ITPR1: variants seen among roughly 807,000 people sequenced by gnomAD.
ITPR1 encodes the protein inositol 1,4,5-trisphosphate-gated calcium channel ITPR1.
Under a neutral mutation model 318.4 loss-of-function variants are expected in ITPR1, and 96 were observed. That is an observed-to-expected ratio of 0.30 (90% CI 0.26 to 0.36). The LOEUF is 0.36. ITPR1 is among the 10% of genes least tolerant of loss of function. The pLI, the probability that ITPR1 is intolerant of heterozygous loss-of-function variation, is 1.00. For synonymous variants in ITPR1, 1,312 were observed against 1,289.9 expected (o/e 1.02, Z -0.37); for missense variants, 2,440 against 3,460.2 (o/e 0.71, Z 7.40).
intron 60 of ITPR1, among the ~76,000 whole-genome samples, chr3:4,834,944 T>G (rs974797374): frequency 7.9e-5 from 12 of 152,214 alleles, no homozygotes; most frequent in African/African-American, 2.4e-4. Flanking sequence ...GATAAGCAGC[T>G]CAGGCTTACT....
intron 50 of ITPR1, among the ~76,000 whole-genome samples, chr3:4,783,201 G>A (rs1473694346): frequency 6.6e-6 from 1 of 152,050 alleles, no homozygotes; most frequent in Non-Finnish European, 1.5e-5. Context: ...TTTATGCCCT[G>A]GCACCAAAAT....
chr3:4,551,113 A>C (rs2085522644), intron 4 of ITPR1, among the ~76,000 whole-genome samples: 1 of 152,174 alleles, frequency 6.6e-6, no homozygotes, highest in South Asian at 2.1e-4. Context: ...AAGAGAAGAT[A>C]CCAGCTGCGG....
Position 4,793,451 on chromosome 3 carries a change from C to T in ITPR1, c.6809-1614C>T, listed in dbSNP as rs184160318. ...CCACATATCCATCACTCAGCTTCAG[C>T]GGTTATCAACTCTTTGCCATTCATC... On this transcript the variant is annotated intron_variant, in intron 52 of 61. Transcript: ENST00000649015. Among the ~76,000 whole-genome samples, 367 of 152,324 alleles carry T rather than the reference C, an allele frequency of 2.4e-3. 1 individual carries two copies. Among genetic ancestry groups the T allele is most frequent in the African/African-American group, 8.5e-3 (353 of 41,570 alleles).
At chr3:4,590,532 T>C (rs2090312100) in intron 4 of ITPR1, among the ~76,000 whole-genome samples, 1 of 149,440 alleles carries the variant, frequency 6.7e-6, no homozygotes, top group South Asian at 2.1e-4. Context: ...TTAATAATAA[T>C]AATAATTTTT....
chr3:4,753,408 A>G (rs2044701054), intron 44 of ITPR1, among the ~76,000 whole-genome samples: 1 of 151,934 alleles, frequency 6.6e-6, no homozygotes, highest in African/African-American at 2.4e-5. Flanking sequence ...GTGCTGTGTG[A>G]TTTCACCCTG....
intron 33 of ITPR1, among the ~76,000 whole-genome samples, chr3:4,694,523 G>C (rs538151969): frequency 6.6e-6 from 1 of 151,996 alleles, no homozygotes; most frequent in South Asian, 2.1e-4. Context: ...TGCGTTCTTC[G>C]GTGATTTCCT....
chr3:4,696,656 T>G (rs2125254633), intron 33 of ITPR1, among the ~76,000 whole-genome samples: 1 of 149,788 alleles, frequency 6.7e-6, no homozygotes, highest in South Asian at 2.1e-4. Context: ...TAATTGAAGT[T>G]GAGCCCCTTG....
chr3:4,647,186 A>G (rs2093477969), intron 10 of ITPR1, among the ~76,000 whole-genome samples: 1 of 151,916 alleles, frequency 6.6e-6, no homozygotes, highest in Admixed American at 6.6e-5. Context: ...ACTCAGTATA[A>G]TTATTTTGAG....
Position 4,667,603 on chromosome 3 carries a change from G to A in ITPR1, c.1886+54G>A. ...TGGTGTCTCTGCCTGTAAGATGCAG[G>A]GACTTAGCTGGTGCTTTTTACTACG... is the stretch of plus-strand genomic sequence containing the variant. On this transcript the variant is annotated intron_variant, in intron 18 of 61. Coordinates refer to ENST00000649015, the MANE Select transcript of ITPR1 (RefSeq NM_001378452.1). The A allele has an allele frequency of 2.0e-6, 3 of 1,493,594 alleles. No homozygotes were observed. In the South Asian group the frequency reaches 3.9e-5, roughly 19 times the overall value. The allele number at this position is 1,493,594 out of a possible 1,614,324, so 92.5% of individuals were successfully genotyped here.
At chr3:4,522,897 G>A (rs1203226010) in intron 4 of ITPR1, among the ~76,000 whole-genome samples, 1 of 152,186 alleles carries the variant, frequency 6.6e-6, no homozygotes, top group Non-Finnish European at 1.5e-5. Flanking sequence ...TGGAGTGGGA[G>A]CCATGGTTCT....
chr3:4,837,320 C>T (rs1239708040), intron 61 of ITPR1, among the ~76,000 whole-genome samples: 2 of 152,000 alleles, frequency 1.3e-5, no homozygotes, highest in Non-Finnish European at 2.9e-5. Context: ...GCTTCCTAGC[C>T]CTCAGACTTG....
At chr3:4,619,890 T>A (rs2092559746) in intron 4 of ITPR1, among the ~76,000 whole-genome samples, 1 of 151,016 alleles carries the variant, frequency 6.6e-6, no homozygotes, top group East Asian at 2.0e-4. Context: ...TTTCTCTTTG[T>A]TTTTTGTTTC....
At chr3:4,584,657 C>T (rs1471011038) in intron 4 of ITPR1, among the ~76,000 whole-genome samples, 1 of 151,884 alleles carries the variant, frequency 6.6e-6, no homozygotes, top group African/African-American at 2.4e-5. Context: ...GAGGCTGCCA[C>T]TCAGTGGGAG....
intron 53 of ITPR1, among the ~76,000 whole-genome samples, chr3:4,796,017 C>T (rs2047875694): frequency 6.6e-6 from 1 of 152,118 alleles, no homozygotes; most frequent in South Asian, 2.1e-4. Flanking sequence ...TGCCAGGAAC[C>T]ACCTTATGTG....
chr3:4,595,423 G>T (rs150619107), intron 4 of ITPR1, among the ~76,000 whole-genome samples: 6 of 152,276 alleles, frequency 3.9e-5, no homozygotes, highest in Non-Finnish European at 7.4e-5. Flanking sequence ...CTAAGGTGAT[G>T]GTGCGAAGCC....
intron 4 of ITPR1, among the ~76,000 whole-genome samples, chr3:4,612,404 A>C (rs2092184414): frequency 6.6e-6 from 1 of 152,108 alleles, no homozygotes; most frequent in African/African-American, 2.4e-5. Flanking sequence ...TATGGAATCC[A>C]AGGGGTGTCC....
intron 13 of ITPR1, among the ~76,000 whole-genome samples, chr3:4,660,107 C>T (rs2093800451): frequency 6.6e-6 from 1 of 152,192 alleles, no homozygotes; most frequent in South Asian, 2.1e-4. Context: ...TACGCTCTCA[C>T]CAACCATACA....
At position 4,710,206 on chromosome 3, in the gene ITPR1, A is replaced by G; in HGVS notation, c.4843-119A>G. 1.1e-6 allele frequency: 1 copy of G among 925,540 alleles called. No homozygotes were observed. The highest frequency in any genetic ancestry group is 1.5e-6 in the Non-Finnish European group (1 of 665,798). 57.3% of individuals were successfully genotyped at this position (925,540 alleles called of 1,614,324 possible). A position where few individuals can be genotyped will look rare whatever the true frequency, so the allele number is the denominator to read the frequency against. On this transcript the variant is annotated intron_variant, in intron 37 of 61. Coordinates refer to ENST00000649015, the MANE Select transcript of ITPR1 (RefSeq NM_001378452.1). The surrounding 1 kb of genome is among the most constrained non-coding windows in gnomAD (Gnocchi z 4.2). ...ATAATTTGAGATGCCAGACGGTACT[A>G]AAGTTACTCTAACCTAGCCTACCCG...
intron 5 of ITPR1, among the ~76,000 whole-genome samples, chr3:4,630,559 C>T (rs967240725): frequency 1.2e-4 from 14 of 117,278 alleles, no homozygotes; most frequent in Non-Finnish European, 2.2e-4. Context: ...TTAAATTGTC[C>T]GCATTATTAT....
Sources: gnomAD v4.1 joint callset for allele counts (sites outside exome capture counted in the v4.1 genomes callset) on GRCh38, gnomAD v4.1.1 for gene constraint, Gnocchi (gnomAD v3.1) non-coding constraint, MANE v1.5 for transcripts, NCBI Gene and HGNC (gene_info 2026-07-23, HGNC 2026-07-21) for gene names.